PRELID2: variants seen among roughly 807,000 people sequenced by gnomAD.
PRELID2 encodes PRELI domain-containing protein 2.
A neutral mutation model predicts 28.4 loss-of-function variants in PRELID2; 25 were observed. The ratio of observed to expected loss-of-function variants is 0.88; its 90% CI spans 0.64 to 1.23. PRELID2 has a LOEUF of 1.23. PRELID2 is among the 50% of genes most tolerant of loss of function. The probability of loss-of-function intolerance (pLI) is 0.00; values close to 1 mark genes in which losing one functional copy is unlikely to be tolerated. For synonymous variants in PRELID2, 76 were observed against 71.6 expected (o/e 1.06, Z -0.31); for missense variants, 201 against 214.4 (o/e 0.94, Z 0.39).
chr5:145,579,334 G>A (rs1451892120), intron 1 of PRELID2, among the ~76,000 whole-genome samples: 1 of 152,124 alleles, frequency 6.6e-6, no homozygotes, highest in Non-Finnish European at 1.5e-5. Context: ...AGAGTTTGCT[G>A]TTAACATTTT....
At chr5:145,668,171 C>T (rs548344742) in intron 1 of PRELID2, among the ~76,000 whole-genome samples, 75 of 152,122 alleles carry the variant, frequency 4.9e-4, no homozygotes, top group African/African-American at 1.8e-3. Flanking sequence ...TGAATGTGTA[C>T]TACCAAAACA....
chr5:145,811,555 G>A (rs946852853), intron 4 of PRELID2, among the ~76,000 whole-genome samples: 1 of 152,168 alleles, frequency 6.6e-6, no homozygotes, highest in Non-Finnish European at 1.5e-5. Flanking sequence ...AAAGTACGGG[G>A]ATCATAGGTA....
chr5:145,391,683 TG>T, the PRELID2 span, among the ~76,000 whole-genome samples: 1 of 151,896 alleles, frequency 6.6e-6, no homozygotes, highest in Non-Finnish European at 1.5e-5. Context: ...GAAAATGTTT[TG>T]TTTTTTTTTT....
chr5:145,449,326 C>T, the PRELID2 span, among the ~76,000 whole-genome samples: 5 of 151,982 alleles, frequency 3.3e-5, no homozygotes, highest in Non-Finnish European at 7.4e-5. Flanking sequence ...GAGGGACTCT[C>T]ACTGGGATGG....
chr5:145,521,498 T>TA (rs1752562629), intron 1 of PRELID2, among the ~76,000 whole-genome samples: 1 of 152,242 alleles, frequency 6.6e-6, no homozygotes, highest in Admixed American at 6.5e-5. Context: ...GGTTGTAAAA[T>TA]ATTCCCATTT....
chr5:145,501,952 T>C (rs1005335294), intron 1 of PRELID2, among the ~76,000 whole-genome samples: 1 of 152,184 alleles, frequency 6.6e-6, no homozygotes, highest in African/African-American at 2.4e-5. Context: ...TCTGTATTAA[T>C]CTCTCTCACT....
chr5:145,643,445 A>G (rs1166795170), intron 1 of PRELID2, among the ~76,000 whole-genome samples: 1 of 152,246 alleles, frequency 6.6e-6, no homozygotes, highest in Non-Finnish European at 1.5e-5. Context: ...ATATAGAATC[A>G]TGTCATCTGC....
chr5:145,368,605 A>G, the PRELID2 span, among the ~76,000 whole-genome samples: 1 of 151,886 alleles, frequency 6.6e-6, no homozygotes, highest in Non-Finnish European at 1.5e-5. Flanking sequence ...ACACATACGG[A>G]TCCCTCTCAT....
intron 1 of PRELID2, among the ~76,000 whole-genome samples, chr5:145,621,324 G>T (rs112951269): frequency 1.1e-4 from 16 of 152,244 alleles, no homozygotes; most frequent in African/African-American, 3.9e-4. Flanking sequence ...CTCATACATT[G>T]CTGGTAGGAA....
the PRELID2 span, among the ~76,000 whole-genome samples, chr5:145,395,600 G>T: frequency 1.2e-4 from 18 of 152,160 alleles, no homozygotes; most frequent in South Asian, 3.5e-3. Flanking sequence ...CTTGTTGCGT[G>T]GTATTGAGTA....
the PRELID2 span, among the ~76,000 whole-genome samples, chr5:145,400,652 C>T: frequency 4.7e-3 from 719 of 152,218 alleles, 8 homozygotes; most frequent in African/African-American, 0.016. Flanking sequence ...TTCTCCTCAG[C>T]GCACACATTT....
chr5:145,463,939 A>G, the PRELID2 span, among the ~76,000 whole-genome samples: 3,034 of 152,256 alleles, frequency 0.02, 45 homozygotes, highest in Non-Finnish European at 0.031. Context: ...CCAAATTCTA[A>G]CTTGTTCTGA....
At chr5:145,278,474 T>G in the PRELID2 span, among the ~76,000 whole-genome samples, 4 of 152,172 alleles carry the variant, frequency 2.6e-5, no homozygotes, top group African/African-American at 7.2e-5. Flanking sequence ...CCTCAGATTT[T>G]TGCTAGATGT....
At chr5:145,422,038 T>C in the PRELID2 span, among the ~76,000 whole-genome samples, 87,104 of 134,326 alleles carry the variant, frequency 0.65, 28,719 homozygotes, top group Non-Finnish European at 0.7. Flanking sequence ...TGTAGTTGAG[T>C]GGTTTTGAGT....
the PRELID2 span, among the ~76,000 whole-genome samples, chr5:145,446,907 A>G: frequency 2.6e-5 from 4 of 151,850 alleles, no homozygotes; most frequent in Non-Finnish European, 4.4e-5. Context: ...TTAGCTAGGC[A>G]TGGTGGTGCA....
intron 1 of PRELID2, among the ~76,000 whole-genome samples, chr5:145,669,071 T>C (rs760219092): frequency 8.5e-5 from 13 of 152,122 alleles, no homozygotes; most frequent in Non-Finnish European, 1.3e-4. Context: ...CTTCATGTCT[T>C]CTGGACTCAG....
At chr5:145,409,193 C>T in the PRELID2 span, among the ~76,000 whole-genome samples, 1 of 152,114 alleles carries the variant, frequency 6.6e-6, no homozygotes, top group Non-Finnish European at 1.5e-5. Context: ...ACTACCAAGC[C>T]AGCACTACAA....
chr5:145,267,152 G>C, the PRELID2 span, among the ~76,000 whole-genome samples: 1 of 152,134 alleles, frequency 6.6e-6, no homozygotes, highest in South Asian at 2.1e-4. Flanking sequence ...GATGTTCGAG[G>C]ACAGGAAGCA....
the PRELID2 span, among the ~76,000 whole-genome samples, chr5:145,243,291 C>T: frequency 2.6e-5 from 4 of 151,870 alleles, no homozygotes; most frequent in Non-Finnish European, 2.9e-5. Context: ...TATCAGTAAG[C>T]GTGCCAGCAG....
Sources: allele counts gnomAD v4.1 joint callset (sites outside exome capture counted in the v4.1 genomes callset), GRCh38; gene constraint gnomAD v4.1.1; transcripts MANE v1.5; gene names NCBI Gene and HGNC (gene_info 2026-07-23, HGNC 2026-07-21).